CHN1: variants seen among roughly 807,000 people sequenced by gnomAD.
CHN1 encodes the protein N-chimaerin.
Under a neutral mutation model 59.5 loss-of-function variants are expected in CHN1, and 37 were observed. That is an observed-to-expected ratio of 0.62 (90% CI 0.48 to 0.82). The LOEUF is 0.82. CHN1 is among the 40% of genes least tolerant of loss of function. The pLI, the probability that CHN1 is intolerant of heterozygous loss-of-function variation, is 0.00. For synonymous variants in CHN1, 206 were observed against 200.4 expected (o/e 1.03, Z -0.24); for missense variants, 469 against 571.0 (o/e 0.82, Z 1.82).
chr2:174,819,934 G>A (rs557634305), intron 8 of CHN1, among the ~76,000 whole-genome samples: 22 of 149,746 alleles, frequency 1.5e-4, no homozygotes, highest in East Asian at 5.9e-4. Context: ...TTGTCCTTGC[G>A]ATAGTTTACT....
intron 1 of CHN1, among the ~76,000 whole-genome samples, chr2:174,994,394 G>T (rs910402593): frequency 2.6e-5 from 4 of 152,168 alleles, no homozygotes; most frequent in African/African-American, 9.7e-5. Flanking sequence ...GGGCCTTACA[G>T]TCAACTCCCA....
At chr2:174,996,478 T>C (rs939778514) in intron 1 of CHN1, among the ~76,000 whole-genome samples, 1 of 152,192 alleles carries the variant, frequency 6.6e-6, no homozygotes, top group Non-Finnish European at 1.5e-5. Flanking sequence ...CTAAGAACCT[T>C]ATAAAATAAT....
At chr2:174,838,614 T>C (rs922134454) in intron 7 of CHN1, among the ~76,000 whole-genome samples, 1 of 151,986 alleles carries the variant, frequency 6.6e-6, no homozygotes, top group Non-Finnish European at 1.5e-5. Flanking sequence ...GAATATAAGA[T>C]AGAAGAGATT....
At chr2:174,889,279 T>C (rs1687979620) in intron 5 of CHN1, among the ~76,000 whole-genome samples, 1 of 152,160 alleles carries the variant, frequency 6.6e-6, no homozygotes, top group Non-Finnish European at 1.5e-5. Flanking sequence ...GTGGTTTTTT[T>C]TTCAAACACA....
At chr2:174,962,896 C>T (rs1333212009) in intron 1 of CHN1, among the ~76,000 whole-genome samples, 5 of 152,094 alleles carry the variant, frequency 3.3e-5, no homozygotes, top group East Asian at 3.9e-4. Context: ...GGCAACAGAG[C>T]GAGACCCTGT....
At chr2:174,828,254 A>G (rs925018010) in intron 7 of CHN1, among the ~76,000 whole-genome samples, 19 of 152,216 alleles carry the variant, frequency 1.2e-4, no homozygotes, top group Admixed American at 1.2e-3. Context: ...AGGAATTCAG[A>G]GAAGGGCCAC....
At chr2:174,996,596 A>G (rs1482755165) in intron 1 of CHN1, among the ~76,000 whole-genome samples, 2 of 152,090 alleles carry the variant, frequency 1.3e-5, no homozygotes, top group African/African-American at 2.4e-5. Flanking sequence ...GAGTAAACAT[A>G]GCTCCCTTAC....
In CHN1 at chr2:174,876,601, C is replaced by T. The variant is rs115634677; in HGVS notation, c.549+1239G>A. 4.4e-3 allele frequency among the ~76,000 whole-genome samples: 677 copies of T among 152,250 alleles called. 6 individuals are homozygous for T. The highest frequency in any genetic ancestry group is 0.015 in the African/African-American group (638 of 41,548). On this transcript the variant is annotated intron_variant, in intron 6 of 12. Transcript: ENST00000409900. Reference sequence around the variant, plus strand: ...AACAATTTTTATACATTTTCTACAGCTTATCCTTTTAAATGTTGTTTTCTC... The same window carrying T: ...AACAATTTTTATACATTTTCTACAGTTTATCCTTTTAAATGTTGTTTTCTC...
intron 2 of CHN1, among the ~76,000 whole-genome samples, chr2:174,950,094 T>TC (rs1293365641): frequency 2.0e-5 from 3 of 152,054 alleles, no homozygotes; most frequent in Non-Finnish European, 4.4e-5. Context: ...GACCTCGTAG[T>TC]CTACAAAATA....
intron 5 of CHN1, among the ~76,000 whole-genome samples, chr2:174,888,968 T>C (rs984087120): frequency 6.6e-6 from 1 of 152,150 alleles, no homozygotes; most frequent in African/African-American, 2.4e-5. Flanking sequence ...ATGAATATGG[T>C]GTTCCAACTT....
At chr2:174,948,984 T>C (rs1429567731) in intron 2 of CHN1, among the ~76,000 whole-genome samples, 1 of 152,206 alleles carries the variant, frequency 6.6e-6, no homozygotes, top group African/African-American at 2.4e-5. Context: ...AAGATTGTCA[T>C]GGCTCACATA....
intron 1 of CHN1, among the ~76,000 whole-genome samples, chr2:174,955,549 G>A (rs1160467028): frequency 6.6e-6 from 1 of 151,918 alleles, no homozygotes; most frequent in Non-Finnish European, 1.5e-5. Flanking sequence ...ATGCTCGGGT[G>A]ATAGGTGCAC....
intron 3 of CHN1, among the ~76,000 whole-genome samples, chr2:174,935,427 A>G (rs1057320884): frequency 1.3e-5 from 2 of 152,218 alleles, no homozygotes; most frequent in African/African-American, 4.8e-5. Context: ...TTTGTAAGCC[A>G]TATTATAAGA....
intron 5 of CHN1, among the ~76,000 whole-genome samples, chr2:174,898,014 C>A (rs752003628): frequency 1.3e-5 from 2 of 152,170 alleles, no homozygotes; most frequent in Non-Finnish European, 2.9e-5. Context: ...ATGAACATGG[C>A]TCCCTAGACT....
At chr2:174,916,798 G>A (rs1688860600) in intron 4 of CHN1, among the ~76,000 whole-genome samples, 1 of 152,222 alleles carries the variant, frequency 6.6e-6, no homozygotes, top group African/African-American at 2.4e-5. Flanking sequence ...CAAGGAGATG[G>A]TAACCTATCC....
rs186079578 is a variant in CHN1 at position 174,823,619 on chromosome 2, C to T, written c.712+815G>A. Among the ~76,000 whole-genome samples, 76 of 151,342 alleles carry T rather than the reference C, an allele frequency of 5.0e-4. 2 individuals are homozygous for T. In the East Asian group the frequency reaches 9.5e-3, roughly 19 times the overall value. ...CGGAGCTTGCAGTGAGCCGAGATCGCGCTACTGCACTCCAGCCTGGGAGAC... is the reference window on the plus strand; with the variant it reads ...CGGAGCTTGCAGTGAGCCGAGATCGTGCTACTGCACTCCAGCCTGGGAGAC... On this transcript the variant is annotated intron_variant, in intron 8 of 12. Transcript: ENST00000409900.
chr2:174,826,421 A>C (rs916500291), intron 7 of CHN1, among the ~76,000 whole-genome samples: 1 of 152,238 alleles, frequency 6.6e-6, no homozygotes, highest in Non-Finnish European at 1.5e-5. Flanking sequence ...AGAATTGTGA[A>C]GCTACTTTTA....
At chr2:174,901,658 T>A (rs1202459974) in intron 5 of CHN1, among the ~76,000 whole-genome samples, 1 of 152,182 alleles carries the variant, frequency 6.6e-6, no homozygotes, top group Non-Finnish European at 1.5e-5. Flanking sequence ...AGAAGGATAT[T>A]GCAATTTTCT....
At chr2:174,990,318 T>G (rs4571030) in intron 1 of CHN1, among the ~76,000 whole-genome samples, 1,206 of 72,168 alleles carry the variant, frequency 0.017, 49 homozygotes, top group African/African-American at 0.059. Context: ...TGCGAGGTCG[T>G]GGGGGGGTGC....
Sources: gnomAD v4.1 joint callset for allele counts (sites outside exome capture counted in the v4.1 genomes callset) on GRCh38, gnomAD v4.1.1 for gene constraint, MANE v1.5 for transcripts, NCBI Gene and HGNC (gene_info 2026-07-23, HGNC 2026-07-21) for gene names.